Variants in WWOX observed in about 807,000 individuals in gnomAD.
WWOX encodes WW domain-containing oxidoreductase.
A neutral mutation model predicts 46.2 loss-of-function variants in WWOX; 69 were observed. That is an observed-to-expected ratio of 1.49 (90% confidence interval 1.23 to 1.82). The LOEUF (loss-of-function observed/expected upper bound fraction) is 1.82, where lower values mean the gene tolerates loss of function less well. Ranked by LOEUF, WWOX falls within the 40% of genes most tolerant of loss-of-function variation. WWOX has a pLI of 0.00. For missense variants in WWOX, 919 were observed against 542.6 expected, an observed-to-expected ratio of 1.69 and a Z score of -6.89; for synonymous variants, 359 against 202.6, an observed-to-expected ratio of 1.77 and a Z score of -6.56.
At chr16:78,988,349 A>C (rs1372970894) in intron 8 of WWOX, among the ~76,000 whole-genome samples, 1 of 144,814 alleles carries the variant, frequency 6.9e-6, no homozygotes, top group Non-Finnish European at 1.5e-5. Flanking sequence ...TGTCTCAAAA[A>C]AAATAAAAAA....
intron 8 of WWOX, among the ~76,000 whole-genome samples, chr16:79,178,019 G>A (rs1170846425): frequency 1.3e-5 from 2 of 152,258 alleles, no homozygotes; most frequent in South Asian, 4.1e-4. Flanking sequence ...CTTAGTGGGA[G>A]GGGATAAAGC....
intron 5 of WWOX, among the ~76,000 whole-genome samples, chr16:78,308,564 AT>A (rs2080176823): frequency 6.6e-6 from 1 of 152,170 alleles, no homozygotes; most frequent in Non-Finnish European, 1.5e-5. Flanking sequence ...CCCAAAATAT[AT>A]TTCTCTGGTA....
chr16:78,405,554 C>G (rs533117110), intron 6 of WWOX, among the ~76,000 whole-genome samples: 34 of 152,268 alleles, frequency 2.2e-4, no homozygotes, highest in African/African-American at 8.2e-4. Context: ...CATTCTCTAC[C>G]AGACATATTG....
At chr16:78,969,612 T>C (rs1279815367) in intron 8 of WWOX, among the ~76,000 whole-genome samples, 1 of 152,210 alleles carries the variant, frequency 6.6e-6, no homozygotes, top group Non-Finnish European at 1.5e-5. Context: ...CTTTGTTGCA[T>C]ATTTTTGTAT....
In WWOX at chr16:78,309,101, C is replaced by T. The variant is rs1001932312; in HGVS notation, c.517-77759C>T. Among the ~76,000 whole-genome samples the T allele has an allele frequency of 2.6e-5, 4 of 152,174 alleles. No homozygotes were observed. The East Asian group carries it at 7.7e-4, about 29-fold the overall frequency. On this transcript the variant is annotated intron_variant, in intron 5 of 8. Coordinates refer to ENST00000566780, the MANE Select transcript of WWOX (RefSeq NM_016373.4). ...ATTACCAATCTGAAAATCCTTGAATCCACCTGATATGGTTTGGCTGCATCC... is the reference window on the plus strand; with the variant it reads ...ATTACCAATCTGAAAATCCTTGAATTCACCTGATATGGTTTGGCTGCATCC...
At chr16:78,378,004 A>G (rs2081869724) in intron 5 of WWOX, among the ~76,000 whole-genome samples, 1 of 152,004 alleles carries the variant, frequency 6.6e-6, no homozygotes. Flanking sequence ...GGGAGGTAGG[A>G]AGGGGACCTG....
chr16:79,157,617 G>C (rs1378283192), intron 8 of WWOX, among the ~76,000 whole-genome samples: 1 of 152,096 alleles, frequency 6.6e-6, no homozygotes, highest in Non-Finnish European at 1.5e-5. Context: ...TAAAATACAG[G>C]TTTTATTATT....
chr16:78,826,824 C>G (rs1055895722), intron 8 of WWOX, among the ~76,000 whole-genome samples: 2 of 152,182 alleles, frequency 1.3e-5, no homozygotes, highest in Admixed American at 1.3e-4. Context: ...CCACCCCTCT[C>G]ACCAGCTGTG....
intron 8 of WWOX, among the ~76,000 whole-genome samples, chr16:78,956,029 GT>G (rs2046159900): frequency 6.6e-6 from 1 of 151,568 alleles, no homozygotes; most frequent in Non-Finnish European, 1.5e-5. Context: ...TTTTAGAACT[GT>G]TTTAGTTGGG....
intron 8 of WWOX, among the ~76,000 whole-genome samples, chr16:78,857,216 G>T (rs535055179): frequency 1.4e-4 from 22 of 152,196 alleles, no homozygotes; most frequent in African/African-American, 5.3e-4. Flanking sequence ...AATGGGCAAA[G>T]ATAATGAACA....
At chr16:78,679,498 C>T (rs530065963) in intron 8 of WWOX, among the ~76,000 whole-genome samples, 15 of 152,024 alleles carry the variant, frequency 9.9e-5, no homozygotes, top group Non-Finnish European at 1.9e-4. Flanking sequence ...TTGCAGTGAG[C>T]CAAAATTGCA....
chr16:79,209,829 G>A (rs1049878116), intron 8 of WWOX, among the ~76,000 whole-genome samples: 10 of 152,196 alleles, frequency 6.6e-5, no homozygotes, highest in African/African-American at 2.2e-4. Context: ...TTAGATAAAT[G>A]TGCCAGGTGC....
chr16:78,288,782 C>T (rs903275915), intron 5 of WWOX, among the ~76,000 whole-genome samples: 3 of 152,046 alleles, frequency 2.0e-5, no homozygotes, highest in Non-Finnish European at 4.4e-5. Context: ...GCCCAGTCAG[C>T]GCATCATTGC....
intron 8 of WWOX, among the ~76,000 whole-genome samples, chr16:78,916,294 C>G (rs1314972370): frequency 6.6e-6 from 1 of 152,148 alleles, no homozygotes; most frequent in Non-Finnish European, 1.5e-5. Context: ...TGGATGGAGA[C>G]CCTGTTTCAG....
intron 4 of WWOX, among the ~76,000 whole-genome samples, chr16:78,122,361 TA>T (rs1485026029): frequency 1.3e-5 from 2 of 152,162 alleles, no homozygotes; most frequent in African/African-American, 4.8e-5. Flanking sequence ...ATTACTTTTT[TA>T]TGGTGTCAGC....
At chr16:78,496,828 A>G (rs372924999) in intron 8 of WWOX, among the ~76,000 whole-genome samples, 3 of 152,246 alleles carry the variant, frequency 2.0e-5, no homozygotes, top group South Asian at 2.1e-4. Context: ...AGTCACTCCA[A>G]CTTTCCGGAA....
chr16:78,394,002 G>T (rs1265973043), intron 6 of WWOX, among the ~76,000 whole-genome samples: 1 of 151,914 alleles, frequency 6.6e-6, no homozygotes, highest in Non-Finnish European at 1.5e-5. Flanking sequence ...TAATATTCTT[G>T]GATTCATATT....
chr16:78,611,469 C>T (rs114756951), intron 8 of WWOX, among the ~76,000 whole-genome samples: 2 of 152,172 alleles, frequency 1.3e-5, no homozygotes, highest in Non-Finnish European at 2.9e-5. Flanking sequence ...GGTCATATGA[C>T]TGCCCTGCCT....
At chr16:78,866,950 A>G (rs970181799) in intron 8 of WWOX, among the ~76,000 whole-genome samples, 1 of 152,216 alleles carries the variant, frequency 6.6e-6, no homozygotes, top group African/African-American at 2.4e-5. Flanking sequence ...CCTTGCCACC[A>G]GCTGCATAAA....
Sources: allele counts gnomAD v4.1 joint callset (sites outside exome capture counted in the v4.1 genomes callset), GRCh38; gene constraint gnomAD v4.1.1; transcripts MANE v1.5; gene names NCBI Gene and HGNC (gene_info 2026-07-23, HGNC 2026-07-21).